Variants in PCLO observed in about 807,000 individuals in gnomAD.
The protein encoded by PCLO is protein piccolo.
A neutral mutation model predicts 427.5 loss-of-function variants in PCLO; 82 were observed. The ratio of observed to expected loss-of-function variants is 0.19; its 90% confidence interval spans 0.16 to 0.23. The LOEUF (loss-of-function observed/expected upper bound fraction) is 0.23. Ranked by LOEUF, PCLO falls within the 10% of genes least tolerant of loss-of-function variation. PCLO has a pLI of 1.00. For missense variants in PCLO, 6,239 were observed against 6,115.9 expected (o/e 1.02, Z -0.67); for synonymous variants, 2,357 against 2,155.4 (o/e 1.09, Z -2.59).
chr7:83,134,775 C>G lies in PCLO; in HGVS notation c.2775G>C (p.Glu925Asp). 6.2e-7 allele frequency: 1 copy of G among 1,613,892 alleles called. No individual in the cohort carries two copies. Among genetic ancestry groups the G allele is most frequent in the Non-Finnish European group, 8.5e-7 (1 of 1,179,880 alleles). Reference protein sequence around the residue: ...APKSQPTTPQETVTGKLFGFG... With the variant: ...APKSQPTTPQDTVTGKLFGFG... ...ACCCAAAGAGTTTCCCAGTCACGGT[C>G]TCTTGAGGAGTTGTAGGCTGTGATT... The change falls in exon 3 of 25, where the codon GAG becomes GAC. Residue 925 changes from glutamate to aspartate, a missense_variant. Coordinates refer to ENST00000333891, the MANE Select transcript of PCLO (RefSeq NM_033026.6).
chr7:82,995,723 CTG>C (rs550387542), intron 3 of PCLO, among the ~76,000 whole-genome samples: 64 of 151,862 alleles, frequency 4.2e-4, no homozygotes, highest in Non-Finnish European at 8.1e-4. Flanking sequence ...CCATTTTTTT[CTG>C]TGTCTCACTT....
chr7:83,139,089 C>T (rs970337214), intron 2 of PCLO, among the ~76,000 whole-genome samples: 3 of 151,910 alleles, frequency 2.0e-5, no homozygotes, highest in African/African-American at 4.8e-5. Context: ...ATTAAAGCCT[C>T]GTCATATTTT....
At chr7:83,037,255 T>C (rs1046299318) in intron 3 of PCLO, among the ~76,000 whole-genome samples, 29 of 152,076 alleles carry the variant, frequency 1.9e-4, no homozygotes, top group African/African-American at 5.3e-4. Context: ...TAAACAGTTT[T>C]CTATAGGAGA....
chr7:82,885,860 C>T (rs1220706276), intron 9 of PCLO, among the ~76,000 whole-genome samples: 5 of 151,434 alleles, frequency 3.3e-5, no homozygotes, highest in South Asian at 4.2e-4. Context: ...CTCCAGGCAA[C>T]GCAGCTAATA....
chr7:83,070,408 G>A (rs1789782546), intron 3 of PCLO, among the ~76,000 whole-genome samples: 1 of 141,168 alleles, frequency 7.1e-6, no homozygotes, highest in Non-Finnish European at 1.5e-5. Flanking sequence ...TTTTTTTGGA[G>A]ACCAAGTCTC....
intron 10 of PCLO, among the ~76,000 whole-genome samples, chr7:82,872,192 A>G (rs1213378170): frequency 6.6e-6 from 1 of 152,042 alleles, no homozygotes. Flanking sequence ...CACTGGGAAA[A>G]GGTATTTATA....
At chr7:82,795,226 T>C (rs1292486122) in intron 22 of PCLO, among the ~76,000 whole-genome samples, 2 of 152,186 alleles carry the variant, frequency 1.3e-5, no homozygotes, top group Non-Finnish European at 2.9e-5. Flanking sequence ...GAATGAAATA[T>C]CTGTTCCATT....
At chr7:82,919,910 AG>A (rs1335174848) in intron 6 of PCLO, among the ~76,000 whole-genome samples, 5 of 152,118 alleles carry the variant, frequency 3.3e-5, no homozygotes, top group African/African-American at 1.2e-4. Context: ...TTATACAAAG[AG>A]GATCTGAACT....
At chr7:83,080,941 AATT>A (rs2116396730) in intron 3 of PCLO, among the ~76,000 whole-genome samples, 1 of 151,822 alleles carries the variant, frequency 6.6e-6, no homozygotes, top group East Asian at 1.9e-4. Flanking sequence ...AAATAAAAAT[AATT>A]ATAATAATAT....
chr7:83,091,079 T>TAATC (rs1790366252), intron 3 of PCLO, among the ~76,000 whole-genome samples: 1 of 152,136 alleles, frequency 6.6e-6, no homozygotes, highest in South Asian at 2.1e-4. Context: ...TCCTAGAAAT[T>TAATC]AATCAGCTTT....
intron 3 of PCLO, among the ~76,000 whole-genome samples, chr7:83,035,162 G>A (rs746062968): frequency 1.3e-5 from 2 of 152,050 alleles, no homozygotes; most frequent in Non-Finnish European, 2.9e-5. Flanking sequence ...TGTCACATTT[G>A]CTTCTGTTCC....
At chr7:83,153,159 C>CAT (rs1014154442) in intron 2 of PCLO, among the ~76,000 whole-genome samples, 2 of 149,946 alleles carry the variant, frequency 1.3e-5, no homozygotes, top group East Asian at 2.0e-4. Flanking sequence ...TAAAAAGCTA[C>CAT]ATATATATAT....
At chr7:83,049,300 G>A (rs1363204588) in intron 3 of PCLO, among the ~76,000 whole-genome samples, 1 of 152,136 alleles carries the variant, frequency 6.6e-6, no homozygotes, top group Admixed American at 6.6e-5. Flanking sequence ...CTGATAACAT[G>A]ATGCAACATG....
At chr7:82,970,026 A>G (rs1273570014) in intron 3 of PCLO, among the ~76,000 whole-genome samples, 2 of 152,108 alleles carry the variant, frequency 1.3e-5, no homozygotes, top group Non-Finnish European at 2.9e-5. Context: ...AAATGTAAAT[A>G]CAACATCAGG....
chr7:83,100,945 G>C (rs1349551386), intron 3 of PCLO, among the ~76,000 whole-genome samples: 1 of 151,958 alleles, frequency 6.6e-6, no homozygotes, highest in Non-Finnish European at 1.5e-5. Context: ...TAGTAGTTTG[G>C]AGTCCCCTTT....
chr7:82,951,661 GA>G (rs1795352588), intron 5 of PCLO, among the ~76,000 whole-genome samples, 171 bp from the exon 6 acceptor site: 1 of 151,612 alleles, frequency 6.6e-6, no homozygotes, highest in South Asian at 2.1e-4. Flanking sequence ...CGCATGCAGT[GA>G]TTTTGAGCAG....
chr7:83,133,375 GTTAC>G (rs1359259360), intron 3 of PCLO, among the ~76,000 whole-genome samples: 3 of 151,830 alleles, frequency 2.0e-5, no homozygotes, highest in Admixed American at 1.3e-4. Context: ...AAACATTGTT[GTTAC>G]TTATTTAAGA....
At chr7:82,765,265 A>G (rs1942263946) in intron 22 of PCLO, among the ~76,000 whole-genome samples, 1 of 151,942 alleles carries the variant, frequency 6.6e-6, no homozygotes, top group Non-Finnish European at 1.5e-5. Flanking sequence ...AATGATTAGA[A>G]AATACACATA....
chr7:83,068,329 A>G (rs1305004587), intron 3 of PCLO, among the ~76,000 whole-genome samples: 1 of 152,154 alleles, frequency 6.6e-6, no homozygotes, highest in Non-Finnish European at 1.5e-5. Flanking sequence ...TTCTTTAATA[A>G]TTACAAGCTT....
Sources: gnomAD v4.1 joint callset for allele counts (sites outside exome capture counted in the v4.1 genomes callset) on GRCh38, gnomAD v4.1.1 for gene constraint, MANE v1.5 for transcripts, NCBI Gene and HGNC (gene_info 2026-07-23, HGNC 2026-07-21) for gene names.